The following PLCZ1 variants were observed in gnomAD, a reference collection of about 807,000 sequenced individuals.
The protein encoded by PLCZ1 is 1-phosphatidylinositol 4,5-bisphosphate phosphodiesterase zeta-1.
PLCZ1 carries 64 observed loss-of-function variants against 76.8 expected under a neutral mutation model. That is an observed-to-expected ratio of 0.83 (90% CI 0.68 to 1.03). PLCZ1 has a LOEUF of 1.03. Ranked by LOEUF, PLCZ1 falls within the 50% of genes least tolerant of loss-of-function variation. The pLI is 0.00. For synonymous variants in PLCZ1, 248 were observed against 230.8 expected (o/e 1.07, Z -0.68); for missense variants, 751 against 713.7 (o/e 1.05, Z -0.60).
chr12:18,736,531 A>C (rs1164345916), intron 2 of PLCZ1, among the ~76,000 whole-genome samples, 187 bp from the exon 3 acceptor site: 3 of 152,216 alleles, frequency 2.0e-5, no homozygotes, highest in African/African-American at 7.2e-5. Context: ...GCTATGGTAA[A>C]GGTATGAAAG....
the PLCZ1 span, among the ~76,000 whole-genome samples, chr12:18,670,848 C>A: frequency 6.6e-6 from 1 of 152,078 alleles, no homozygotes; most frequent in African/African-American, 2.4e-5. Context: ...TTGATCAAAT[C>A]AGTTAGGAAG....
At chr12:18,685,108 G>A (rs1284804329) in intron 13 of PLCZ1, among the ~76,000 whole-genome samples, 1 of 152,052 alleles carries the variant, frequency 6.6e-6, no homozygotes, top group Admixed American at 6.6e-5. Flanking sequence ...GACTAATACA[G>A]TCAGTCTTAT....
intron 6 of PLCZ1, among the ~76,000 whole-genome samples, chr12:18,709,578 T>C (rs939293173): frequency 1.3e-5 from 2 of 151,974 alleles, no homozygotes; most frequent in East Asian, 3.9e-4. Flanking sequence ...TTGATAAGAA[T>C]TGCATTAAAT....
intron 6 of PLCZ1, among the ~76,000 whole-genome samples, chr12:18,707,664 C>A (rs1956775515): frequency 6.6e-6 from 1 of 152,064 alleles, no homozygotes; most frequent in South Asian, 2.1e-4. Context: ...GCAACTAGAC[C>A]AAGTTATGAC....
intron 13 of PLCZ1, among the ~76,000 whole-genome samples, chr12:18,684,801 T>C (rs1952842613): frequency 2.6e-5 from 4 of 152,006 alleles, no homozygotes; most frequent in Admixed American, 1.3e-4. Context: ...TGAATTGTAA[T>C]CCCCAGGTGT....
chr12:18,668,267 C>A, the PLCZ1 span, among the ~76,000 whole-genome samples: 1 of 152,194 alleles, frequency 6.6e-6, no homozygotes, highest in Non-Finnish European at 1.5e-5. Flanking sequence ...ATCACATTTT[C>A]ATTAAGTATT....
chr12:18,657,127 G>A, the PLCZ1 span, among the ~76,000 whole-genome samples: 3 of 152,178 alleles, frequency 2.0e-5, no homozygotes, highest in Non-Finnish European at 4.4e-5. Context: ...TACCAGTGCT[G>A]AGGTGACTAC....
At chr12:18,710,662 G>A (rs1174154720) in intron 6 of PLCZ1, among the ~76,000 whole-genome samples, 2 of 152,116 alleles carry the variant, frequency 1.3e-5, no homozygotes, top group Non-Finnish European at 1.5e-5. Context: ...GAGAGGTGAT[G>A]TTGGTTGACT....
downstream of PLCZ1, among the ~76,000 whole-genome samples, chr12:18,681,249 A>G (rs527986726): frequency 1.3e-5 from 2 of 152,172 alleles, no homozygotes; most frequent in Admixed American, 6.6e-5. Context: ...AAGAAGCGTA[A>G]GTCAGGGAAT....
chr12:18,656,904 A>C, the PLCZ1 span, among the ~76,000 whole-genome samples: 1 of 152,192 alleles, frequency 6.6e-6, no homozygotes, highest in African/African-American at 2.4e-5. Flanking sequence ...TGTGGTGTTA[A>C]AGTTACTTTG....
intron 11 of PLCZ1, among the ~76,000 whole-genome samples, chr12:18,695,785 A>C (rs528929571): frequency 6.6e-6 from 1 of 152,164 alleles, no homozygotes; most frequent in Non-Finnish European, 1.5e-5. Context: ...AAGCTCATGT[A>C]AAGTATAAAT....
intron 6 of PLCZ1, among the ~76,000 whole-genome samples, chr12:18,706,146 T>C (rs1022971112): frequency 6.6e-6 from 1 of 150,446 alleles, no homozygotes; most frequent in African/African-American, 2.4e-5. Flanking sequence ...GGCAGGAGAA[T>C]TGCTTGAACC....
At position 18,693,586 on chromosome 12, in the gene PLCZ1, G is replaced by A. The variant is rs1418620101; in HGVS notation, c.1461+1324C>T. 2.5e-6 allele frequency: 4 copies of A among 1,592,020 alleles called. No homozygotes were observed. The East Asian group carries it at 8.9e-5, about 36-fold the overall frequency. On this transcript the variant is annotated intron_variant, in intron 12 of 14. Transcript: ENST00000266505. Reference sequence around the variant, plus strand: ...ATGGGCCCAAACTCGGACGGGAATTGTTTCGAGTTGCTGAAGAACGTGCAC... The same window carrying A: ...ATGGGCCCAAACTCGGACGGGAATTATTTCGAGTTGCTGAAGAACGTGCAC...
At chr12:18,703,466 G>A (rs967290112) in intron 7 of PLCZ1, among the ~76,000 whole-genome samples, 7 of 152,110 alleles carry the variant, frequency 4.6e-5, no homozygotes, top group Admixed American at 1.3e-4. Flanking sequence ...GTTTTTCTTC[G>A]ATGGTGCATG....
chr12:18,676,493 A>G, the PLCZ1 span, among the ~76,000 whole-genome samples: 1 of 151,994 alleles, frequency 6.6e-6, no homozygotes, highest in African/African-American at 2.4e-5. Context: ...AGTACTCTCA[A>G]CCACCTGAGG....
At chr12:18,719,308 C>T (rs1958296313) in intron 5 of PLCZ1, 123 bp downstream of exon 5, 1 of 506,814 alleles carries the variant, frequency 2.0e-6, no homozygotes, top group Non-Finnish European at 3.2e-6. Flanking sequence ...ATTTCTATTC[C>T]CTATGAGTTT....
At chr12:18,722,739 A>G (rs973785726) in intron 4 of PLCZ1, among the ~76,000 whole-genome samples, 2 of 152,100 alleles carry the variant, frequency 1.3e-5, no homozygotes, top group African/African-American at 4.8e-5. Flanking sequence ...CTAAATGGTC[A>G]TTTAATTTAA....
At chr12:18,691,778 A>G (rs1274677574) in intron 12 of PLCZ1, among the ~76,000 whole-genome samples, 1 of 152,148 alleles carries the variant, frequency 6.6e-6, no homozygotes, top group Non-Finnish European at 1.5e-5. Context: ...GTTGTAGGCA[A>G]TTGCTGCCTA....
chr12:18,647,453 GA>G, the PLCZ1 span, among the ~76,000 whole-genome samples: 22,611 of 127,400 alleles, frequency 0.18, 2,000 homozygotes, highest in East Asian at 0.44. Flanking sequence ...ATCTAAAATT[GA>G]AAAAAAAAAA....
Sources: gnomAD v4.1 joint callset for allele counts (sites outside exome capture counted in the v4.1 genomes callset) on GRCh38, gnomAD v4.1.1 for gene constraint, MANE v1.5 for transcripts, NCBI Gene and HGNC (gene_info 2026-07-23, HGNC 2026-07-21) for gene names.